FSTL4: variants seen among roughly 807,000 people sequenced by gnomAD.
FSTL4 encodes the protein follistatin-related protein 4.
A neutral mutation model predicts 78.2 loss-of-function variants in FSTL4; 28 were observed. That is an observed-to-expected ratio of 0.36 (90% CI 0.27 to 0.49). FSTL4 has a LOEUF of 0.49. FSTL4 is among the 20% of genes least tolerant of loss of function. FSTL4 has a pLI of 0.98. For synonymous variants in FSTL4, 422 were observed against 440.5 expected, an observed-to-expected ratio of 0.96 and a Z score of 0.53; for missense variants, 922 against 1,084.9, an observed-to-expected ratio of 0.85 and a Z score of 2.11.
chr5:133,748,023 T>C, the FSTL4 span, among the ~76,000 whole-genome samples: 2,213 of 152,120 alleles, frequency 0.015, 37 homozygotes, highest in Non-Finnish European at 0.023. Context: ...GGTGAAACCC[T>C]GTCTCTACTA....
At chr5:133,220,475 C>T (rs966632231) in intron 12 of FSTL4, among the ~76,000 whole-genome samples, 2 of 152,226 alleles carry the variant, frequency 1.3e-5, no homozygotes, top group Admixed American at 6.5e-5. Flanking sequence ...CTGTCTCCAT[C>T]GTTTGACTGT....
At chr5:133,378,553 A>G (rs1224431132) in intron 4 of FSTL4, among the ~76,000 whole-genome samples, 1 of 152,204 alleles carries the variant, frequency 6.6e-6, no homozygotes, top group Non-Finnish European at 1.5e-5. Context: ...TATTTAAATC[A>G]GTAAATTTAA....
chr5:133,450,074 T>G (rs1255610302), intron 3 of FSTL4, among the ~76,000 whole-genome samples: 1 of 152,206 alleles, frequency 6.6e-6, no homozygotes, highest in Non-Finnish European at 1.5e-5. Flanking sequence ...GAATAGCCAC[T>G]TACCAGCTGG....
chr5:133,468,132 A>G (rs1316302428), intron 3 of FSTL4, among the ~76,000 whole-genome samples: 18 of 152,140 alleles, frequency 1.2e-4, no homozygotes, highest in Admixed American at 1.2e-3. Context: ...TCTTGCTGGG[A>G]AGATGAAAAT....
At chr5:133,243,384 C>A (rs924022992) in intron 7 of FSTL4, among the ~76,000 whole-genome samples, 11 of 152,278 alleles carry the variant, frequency 7.2e-5, no homozygotes, top group African/African-American at 2.6e-4. Context: ...CCTGGCTAAA[C>A]AATTCCACGT....
At chr5:133,840,514 G>T in the FSTL4 span, among the ~76,000 whole-genome samples, 1,181 of 152,352 alleles carry the variant, frequency 7.8e-3, 22 homozygotes, top group African/African-American at 0.027. Context: ...GACTCTTGCT[G>T]GTCTCTGCAC....
intron 4 of FSTL4, among the ~76,000 whole-genome samples, chr5:133,399,197 A>C (rs1487615289): frequency 1.3e-5 from 2 of 152,200 alleles, no homozygotes; most frequent in East Asian, 1.9e-4. Context: ...CAGTCTATAA[A>C]ATTCAACACG....
At chr5:133,644,353 C>T in the FSTL4 span, among the ~76,000 whole-genome samples, 1 of 151,834 alleles carries the variant, frequency 6.6e-6, no homozygotes, top group Non-Finnish European at 1.5e-5. Flanking sequence ...GGGGCAGGAA[C>T]TGAACCGTGA....
chr5:133,445,660 G>A (rs1361959714), intron 3 of FSTL4, among the ~76,000 whole-genome samples: 1 of 152,224 alleles, frequency 6.6e-6, no homozygotes, highest in Non-Finnish European at 1.5e-5. Flanking sequence ...GGGATGGGTA[G>A]CTGGGAGTAT....
At chr5:133,366,099 C>T (rs902038775) in intron 4 of FSTL4, among the ~76,000 whole-genome samples, 2 of 152,250 alleles carry the variant, frequency 1.3e-5, no homozygotes, top group African/African-American at 4.8e-5. Flanking sequence ...CACCCTCTCA[C>T]TTTTGATGCT....
At chr5:133,305,458 C>G (rs1753635072) in intron 6 of FSTL4, among the ~76,000 whole-genome samples, 2 of 152,218 alleles carry the variant, frequency 1.3e-5, no homozygotes, top group Non-Finnish European at 2.9e-5. Flanking sequence ...CACCTTTTTC[C>G]TCACCCTCTG....
At chr5:133,592,752 C>T (rs1760657791) in intron 2 of FSTL4, among the ~76,000 whole-genome samples, 1 of 152,068 alleles carries the variant, frequency 6.6e-6, no homozygotes, top group Non-Finnish European at 1.5e-5. Flanking sequence ...ACCTTGCTTG[C>T]TCTGTTACCG....
the FSTL4 span, among the ~76,000 whole-genome samples, chr5:133,723,357 C>A: frequency 5.3e-5 from 8 of 152,128 alleles, no homozygotes; most frequent in Non-Finnish European, 1.0e-4. Flanking sequence ...CAGAACATAG[C>A]TGTAGTTTGG....
At chr5:133,633,552 T>C in the FSTL4 span, among the ~76,000 whole-genome samples, 10 of 152,352 alleles carry the variant, frequency 6.6e-5, no homozygotes, top group South Asian at 4.1e-4. Context: ...TACTGAAGCA[T>C]TGTCATGATG....
At chr5:133,231,828 G>C (rs10074859) in intron 8 of FSTL4, among the ~76,000 whole-genome samples, 73,494 of 152,074 alleles carry the variant, frequency 0.48, 18,042 homozygotes, top group East Asian at 0.7. Flanking sequence ...GCGTGAGCCA[G>C]CACACCGGCC....
intron 2 of FSTL4, among the ~76,000 whole-genome samples, chr5:133,590,935 A>G (rs991480538): frequency 1.3e-5 from 2 of 152,202 alleles, no homozygotes; most frequent in African/African-American, 4.8e-5. Flanking sequence ...GCCCTTCTGT[A>G]ATCGGCATTC....
chr5:133,477,599 CA>C (rs1317597608), intron 3 of FSTL4, among the ~76,000 whole-genome samples: 1 of 152,182 alleles, frequency 6.6e-6, no homozygotes, highest in Middle Eastern at 3.2e-3. Context: ...GTGTGATTCC[CA>C]AAACCCCGCT....
the FSTL4 span, among the ~76,000 whole-genome samples, chr5:133,621,616 G>C: frequency 6.6e-6 from 1 of 151,926 alleles, no homozygotes; most frequent in Non-Finnish European, 1.5e-5. Flanking sequence ...AGTTGGGAGC[G>C]GGTGAGGGAT....
chr5:133,285,894 A>T (rs536600530), intron 6 of FSTL4, among the ~76,000 whole-genome samples: 1 of 152,316 alleles, frequency 6.6e-6, no homozygotes, highest in East Asian at 1.9e-4. Flanking sequence ...CTGGGCTGTC[A>T]GCACTCTCAG....
Sources: allele counts gnomAD v4.1 joint callset (sites outside exome capture counted in the v4.1 genomes callset), GRCh38; gene constraint gnomAD v4.1.1; transcripts MANE v1.5; gene names NCBI Gene and HGNC (gene_info 2026-07-23, HGNC 2026-07-21).